COL17A1: variants seen among roughly 807,000 people sequenced by gnomAD.
COL17A1 encodes the protein collagen alpha-1(XVII) chain.
Under a neutral mutation model 218.4 loss-of-function variants are expected in COL17A1, and 181 were observed. The ratio of observed to expected loss-of-function variants is 0.83; its 90% CI spans 0.73 to 0.94. The LOEUF (loss-of-function observed/expected upper bound fraction) is 0.94, where lower values mean the gene tolerates loss of function less well. Among genes scored for constraint, COL17A1 ranks in the 40% least tolerant of loss-of-function variants. The probability of loss-of-function intolerance (pLI) is 0.00; values close to 1 mark genes in which losing one functional copy is unlikely to be tolerated. For missense variants in COL17A1, 1,924 were observed against 1,945.9 expected (o/e 0.99, Z 0.21); for synonymous variants, 721 against 731.0 (o/e 0.99, Z 0.22).
intron 23 of COL17A1, among the ~76,000 whole-genome samples, chr10:104,052,618 T>G (rs1202867580): frequency 2.0e-5 from 3 of 152,160 alleles, no homozygotes; most frequent in African/African-American, 4.8e-5. Flanking sequence ...ACTGAACCTA[T>G]GTCTGGGGCC....
chr10:104,041,837 C>T (rs1033458682), intron 36 of COL17A1, among the ~76,000 whole-genome samples: 1 of 152,356 alleles, frequency 6.6e-6, no homozygotes, highest in East Asian at 1.9e-4. Context: ...CCTGCTCCCA[C>T]ACGTCTAGCT....
chr10:104,036,219 T>A (rs2086296830), intron 48 of COL17A1, among the ~76,000 whole-genome samples: 2 of 123,516 alleles, frequency 1.6e-5, no homozygotes, highest in Non-Finnish European at 3.4e-5. Context: ...TGAGTATGGG[T>A]GTGTGTGTAT....
Position 104,054,100 on chromosome 10 carries a change from C to T in COL17A1, c.1763G>A (p.Gly588Glu). 1 of 1,611,724 alleles carries T rather than the reference C, an allele frequency of 6.2e-7. No homozygotes were observed. Among genetic ancestry groups the T allele is most frequent in the African/African-American group, 1.3e-5 (1 of 74,982 alleles). ...CATCAGAGAGTACATACCTGGAGTC[C>T]CAGGGAACCCTCGATCTCCTGCAGG... The part of the protein sequence containing the change: ...PGPKGDRGFP[G>E]TPGIPGPLGH... Residue 588 changes from glycine (G) to glutamate (E), a missense_variant, in exon 21 of 56, where the codon GGG (glycine) becomes GAG (glutamate). Coordinates refer to ENST00000648076, the MANE Select transcript of COL17A1 (RefSeq NM_000494.4).
chr10:104,049,181 T>C (rs1023584615), intron 29 of COL17A1, among the ~76,000 whole-genome samples: 1 of 152,184 alleles, frequency 6.6e-6, no homozygotes, highest in Admixed American at 6.5e-5. Context: ...GAATGGACCA[T>C]GCCCTGCAAG....
chr10:104,032,657 G>A lies in COL17A1; in HGVS notation c.4438+17C>T, dbSNP rs772216762. The A allele has an allele frequency of 9.3e-6, 15 of 1,612,228 alleles. No homozygotes were observed. The highest frequency in any genetic ancestry group is 2.2e-5 in the South Asian group (2 of 91,008). Reference sequence around the variant, plus strand: ...AGCCCTCCAGAACATGCAAAACGTGGAGCAGTCAACACTTACCTTTGTCTC... The same window carrying A: ...AGCCCTCCAGAACATGCAAAACGTGAAGCAGTCAACACTTACCTTTGTCTC... On this transcript the variant is annotated intron_variant, in intron 55 of 55. Coordinates refer to ENST00000648076, the MANE Select transcript of COL17A1 (RefSeq NM_000494.4).
chr10:104,034,711 G>A lies in COL17A1; in HGVS notation c.3676C>T (p.Arg1226Ter), dbSNP rs121912769. ...PPGPPGPPGP[R>*]GPPGVSGALA... The stretch of plus-strand genomic sequence containing the variant: ...GCTCCTGAGACACCCGGGGGCCCTC[G>A]AGGCCCTGGGGGACCAGGAGGTCCT... Residue 1226 changes from arginine (R) to a stop codon, truncating the protein, a stop_gained, in exon 51 of 56, where the codon CGA becomes TGA. Coordinates refer to ENST00000648076, the MANE Select transcript of COL17A1 (RefSeq NM_000494.4). LOFTEE classifies it high-confidence loss of function. 17 of 1,611,362 alleles carry A rather than the reference G, an allele frequency of 1.1e-5. No individual in the cohort carries two copies. The highest frequency in any genetic ancestry group is 1.3e-5 in the African/African-American group (1 of 74,894).
At chr10:104,078,185 T>G (rs1035987206) in intron 3 of COL17A1, among the ~76,000 whole-genome samples, 1 of 152,144 alleles carries the variant, frequency 6.6e-6, no homozygotes, top group East Asian at 1.9e-4. Context: ...AGATCAGATA[T>G]CCAATATTTT....
chr10:104,032,405 CT>C (rs1844697877), intron 55 of COL17A1, 115 bp from the exon 56 acceptor site: 12 of 932,284 alleles, frequency 1.3e-5, no homozygotes, highest in Non-Finnish European at 1.9e-5. Context: ...AAGGTGAAAT[CT>C]TTTGTAAGAC....
intron 50 of COL17A1, 32 bp from the exon 51 acceptor site, chr10:104,034,799 G>A (rs755436614): frequency 1.2e-6 from 2 of 1,606,236 alleles, no homozygotes; most frequent in South Asian, 1.1e-5. Flanking sequence ...AAAGGTCGGG[G>A]TAGTGCTGCG....
intron 4 of COL17A1, 80 bp downstream of exon 4, chr10:104,077,342 G>T: frequency 1.8e-6 from 2 of 1,082,280 alleles, no homozygotes; most frequent in Non-Finnish European, 1.4e-6. Flanking sequence ...TGTCTGCCCT[G>T]TGTCCTGTGT....
Position 104,055,990 on chromosome 10 carries a change from C to T in COL17A1, c.1479G>A (p.Arg493=). 1 of 1,614,220 alleles carries T rather than the reference C, an allele frequency of 6.2e-7. No homozygotes were observed. The highest frequency in any genetic ancestry group is 8.5e-7 in the Non-Finnish European group (1 of 1,180,042). Residue 493 remains arginine, a synonymous_variant, in exon 18 of 56, where the codon AGG becomes AGA. Coordinates refer to ENST00000648076, the MANE Select transcript of COL17A1 (RefSeq NM_000494.4). ...FGLIALAEEV[R]KLKARVDELE... ...GCTCATCCACACGCGCCTTCAGCTT[C>T]CTCACCTCCTCCGCTGCAACAAACA...
chr10:104,080,763 A>T (rs1026924881), intron 1 of COL17A1, 79 bp from the exon 2 acceptor site: 2 of 1,422,182 alleles, frequency 1.4e-6, no homozygotes, highest in Non-Finnish European at 2.0e-6. Flanking sequence ...GTTGAAGCTG[A>T]TAACCAAAAA....
At chr10:104,077,549 A>T in intron 3 of COL17A1, 23 bp from the exon 4 acceptor site, 1 of 1,592,248 alleles carries the variant, frequency 6.3e-7, no homozygotes, top group Non-Finnish European at 8.6e-7. Flanking sequence ...AAAGCAGGTG[A>T]TAATTTCAGG....
chr10:104,064,273 T>C (rs1045426248), intron 10 of COL17A1, among the ~76,000 whole-genome samples, 165 bp downstream of exon 10: 1 of 152,182 alleles, frequency 6.6e-6, no homozygotes, highest in Non-Finnish European at 1.5e-5. Flanking sequence ...ACCTTCTAGA[T>C]TGAATTGAAC....
chr10:104,060,018 T>G (rs1056128368), intron 14 of COL17A1, 101 bp downstream of exon 14: 6 of 1,566,018 alleles, frequency 3.8e-6, no homozygotes, highest in Middle Eastern at 2.2e-4. Flanking sequence ...ATGGCTATGG[T>G]TTCATGACTC....
chr10:104,031,752 C>A lies in COL17A1; in HGVS notation c.*483G>T. On this transcript the variant is annotated 3_prime_UTR_variant, in exon 56 of 56. Coordinates refer to ENST00000648076, the MANE Select transcript of COL17A1 (RefSeq NM_000494.4). ...TTCTTAGCCAACTGACTAGAGAATG[C>A]AGAATGAACAGGGGAGGAAGGAGCT... 6.0e-6 allele frequency: 1 copy of A among 167,232 alleles called. No homozygotes were observed. The highest frequency in any genetic ancestry group is 1.3e-5 in the Non-Finnish European group (1 of 76,092). The allele number at this position is 167,232 out of a possible 1,614,324, so 10.4% of individuals were successfully genotyped here.
At chr10:104,037,615 A>AGG (rs767225541) in intron 46 of COL17A1, 21 bp downstream of exon 46, 17 of 1,613,882 alleles carry the variant, frequency 1.1e-5, no homozygotes, top group Non-Finnish European at 1.2e-5. Flanking sequence ...TGCCAGGTGC[A>AGG]GGGCGTGGGG....
chr10:104,060,203 G>C lies in COL17A1; in HGVS notation c.1057C>G (p.Pro353Ala), dbSNP rs1016669109. Residue 353 changes from proline to alanine, a missense_variant, in exon 14 of 56, where the codon CCT (proline) becomes GCT (alanine). Physicochemically the swap from Pro to Ala is conservative, Grantham distance 27. Transcript: ENST00000648076. Reference protein sequence around the residue: ...KFLILEKDNTPAKKEMELLIM... With the variant: ...KFLILEKDNTAAKKEMELLIM... ...AGCAGCTCCATCTCCTTCTTGGCAGGTGTGTTGTCTTTCTCTAGGATCAGG... is the reference window on the plus strand; with the variant it reads ...AGCAGCTCCATCTCCTTCTTGGCAGCTGTGTTGTCTTTCTCTAGGATCAGG... 1.2e-6 allele frequency: 2 copies of C among 1,614,192 alleles called. No individual in the cohort carries two copies. Among genetic ancestry groups the C allele is most frequent in the Non-Finnish European group, 1.7e-6 (2 of 1,180,024 alleles).
Position 104,059,777 on chromosome 10 carries a change from C to T in COL17A1, c.1142-59G>A, listed in dbSNP as rs568547232. 1.2e-3 allele frequency: 1,919 copies of T among 1,545,956 alleles called. 8 individuals are homozygous for T. The highest frequency in any genetic ancestry group is 0.012 in the Middle Eastern group (72 of 5,942). ...CTCTTCTCAACCTCTCAACTCTGTC[C>T]TGTGTTCCCCCCGCCCTTGCCCACT... On this transcript the variant is annotated intron_variant, in intron 14 of 55. Coordinates refer to ENST00000648076, the MANE Select transcript of COL17A1 (RefSeq NM_000494.4).
Sources: allele counts gnomAD v4.1 joint callset (sites outside exome capture counted in the v4.1 genomes callset), GRCh38; gene constraint gnomAD v4.1.1; transcripts MANE v1.5; gene names NCBI Gene and HGNC (gene_info 2026-07-23, HGNC 2026-07-21).